Variants in INPP4B observed in about 807,000 individuals in gnomAD.
INPP4B encodes the protein inositol polyphosphate-4-phosphatase type II B, also known as inositol polyphosphate 4-phosphatase type II.
INPP4B carries 55 observed loss-of-function variants against 122.5 expected under a neutral mutation model. The observed-to-expected ratio is 0.45, with a 90% CI of 0.36 to 0.56. The LOEUF (loss-of-function observed/expected upper bound fraction) is 0.56. Ranked by LOEUF, INPP4B falls within the 20% of genes least tolerant of loss-of-function variation. INPP4B has a pLI of 0.00. For missense variants in INPP4B, 1,000 were observed against 1,097.7 expected (o/e 0.91, Z 1.26); for synonymous variants, 403 against 388.7 (o/e 1.04, Z -0.43).
chr4:142,496,222 T>C (rs1471585341), intron 2 of INPP4B, among the ~76,000 whole-genome samples: 1 of 152,106 alleles, frequency 6.6e-6, no homozygotes, highest in African/African-American at 2.4e-5. Flanking sequence ...TTGCTCAATA[T>C]TGTTCTTTTT....
chr4:142,061,821 G>A (rs1760774010), intron 25 of INPP4B, among the ~76,000 whole-genome samples: 1 of 122,638 alleles, frequency 8.2e-6, no homozygotes, highest in Non-Finnish European at 1.7e-5. Context: ...AATATAAAAT[G>A]TCATATATAA....
chr4:142,258,665 CA>C (rs1554019843), intron 11 of INPP4B, among the ~76,000 whole-genome samples: 1 of 152,134 alleles, frequency 6.6e-6, no homozygotes, highest in Non-Finnish European at 1.5e-5. Context: ...TACCATCTCA[CA>C]CCAGTTAGAA....
At chr4:142,238,800 T>C (rs1306470412) in intron 11 of INPP4B, among the ~76,000 whole-genome samples, 1 of 152,126 alleles carries the variant, frequency 6.6e-6, no homozygotes, top group Non-Finnish European at 1.5e-5. Context: ...TACTTATTAG[T>C]GAAGCCAGTA....
chr4:142,057,062 T>G (rs1758078094), intron 25 of INPP4B, among the ~76,000 whole-genome samples: 1 of 152,090 alleles, frequency 6.6e-6, no homozygotes. Context: ...CTTTTAAATT[T>G]TAGAGTATGG....
At chr4:142,274,572 T>G (rs528105376) in intron 9 of INPP4B, among the ~76,000 whole-genome samples, 1 of 151,966 alleles carries the variant, frequency 6.6e-6, no homozygotes, top group African/African-American at 2.4e-5. Flanking sequence ...ATATCCAAAT[T>G]AAAAAAGAGC....
chr4:142,465,698 C>A (rs1310777175), intron 2 of INPP4B, among the ~76,000 whole-genome samples: 1 of 152,126 alleles, frequency 6.6e-6, no homozygotes, highest in Non-Finnish European at 1.5e-5. Flanking sequence ...TGATTCCCAG[C>A]ATTGGAGATG....
intron 3 of INPP4B, among the ~76,000 whole-genome samples, chr4:142,445,432 G>A (rs1156300651): frequency 1.3e-5 from 2 of 152,138 alleles, no homozygotes; most frequent in Non-Finnish European, 2.9e-5. Context: ...CCACATCAAT[G>A]TCAGACAAAA....
chr4:142,552,998 G>A (rs1361054375), intron 2 of INPP4B, among the ~76,000 whole-genome samples: 1 of 152,006 alleles, frequency 6.6e-6, no homozygotes, highest in East Asian at 1.9e-4. Context: ...AGACATTTTT[G>A]GTCCTCTAAA....
At chr4:142,556,328 A>G (rs1041715121) in intron 2 of INPP4B, among the ~76,000 whole-genome samples, 1 of 152,216 alleles carries the variant, frequency 6.6e-6, no homozygotes, top group African/African-American at 2.4e-5. Context: ...ACTCCTTGGT[A>G]ACGAAGGTAA....
intron 1 of INPP4B, among the ~76,000 whole-genome samples, chr4:142,784,971 A>G (rs111496764): frequency 1.9e-3 from 292 of 152,250 alleles, no homozygotes; most frequent in Non-Finnish European, 2.3e-3. Flanking sequence ...GCCTACTAAA[A>G]GACAGACTTA....
intron 1 of INPP4B, among the ~76,000 whole-genome samples, chr4:142,802,264 GA>G (rs1441170757): frequency 1.3e-5 from 2 of 152,182 alleles, no homozygotes; most frequent in African/African-American, 4.8e-5. Context: ...CCTTTTGCCA[GA>G]GACTGTTTAG....
intron 16 of INPP4B, among the ~76,000 whole-genome samples, chr4:142,171,892 CCTGCCCAGTGCA>C (rs999081287): frequency 1.3e-5 from 2 of 151,684 alleles, no homozygotes; most frequent in Middle Eastern, 3.2e-3. Context: ...ATGACAAATC[CCTGCCCAGTGCA>C]CAAGAAGAAT....
chr4:142,345,765 T>A, intron 7 of INPP4B, among the ~76,000 whole-genome samples: 1 of 151,994 alleles, frequency 6.6e-6, no homozygotes, highest in South Asian at 2.1e-4. Context: ...TTAACAATGA[T>A]CAAAAGGACC....
chr4:142,302,568 A>C (rs1761884381), intron 9 of INPP4B, among the ~76,000 whole-genome samples: 1 of 152,168 alleles, frequency 6.6e-6, no homozygotes, highest in African/African-American at 2.4e-5. Flanking sequence ...GGAAATTAAT[A>C]ATAGCATCTC....
chr4:142,136,400 G>A (rs926027541), intron 18 of INPP4B, among the ~76,000 whole-genome samples: 3 of 152,212 alleles, frequency 2.0e-5, no homozygotes, highest in Non-Finnish European at 2.9e-5. Flanking sequence ...ATTTCAGGAT[G>A]GCAACTCAGA....
chr4:142,410,806 ATT>A (rs926207186), intron 5 of INPP4B, among the ~76,000 whole-genome samples: 1 of 152,200 alleles, frequency 6.6e-6, no homozygotes, highest in African/African-American at 2.4e-5. Context: ...TTAAATTATT[ATT>A]GACATTAATA....
intron 15 of INPP4B, among the ~76,000 whole-genome samples, chr4:142,182,351 A>G (rs890484558): frequency 6.6e-6 from 1 of 152,052 alleles, no homozygotes; most frequent in Non-Finnish European, 1.5e-5. Flanking sequence ...GATTGAGACC[A>G]ACCTGGCTAA....
intron 16 of INPP4B, among the ~76,000 whole-genome samples, chr4:142,165,525 A>G (rs77714636): frequency 0.099 from 14,976 of 151,830 alleles, 818 homozygotes; most frequent in Middle Eastern, 0.14. Flanking sequence ...CAATACAAAT[A>G]CAAATATAAA....
chr4:142,254,935 T>A (rs1042724317), intron 11 of INPP4B, among the ~76,000 whole-genome samples: 2 of 151,622 alleles, frequency 1.3e-5, no homozygotes, highest in African/African-American at 4.9e-5. Context: ...AAGGAAAAAA[T>A]GTTAAGGGCA....
Sources: gnomAD v4.1 joint callset for allele counts (sites outside exome capture counted in the v4.1 genomes callset) on GRCh38, gnomAD v4.1.1 for gene constraint, MANE v1.5 for transcripts, NCBI Gene and HGNC (gene_info 2026-07-23, HGNC 2026-07-21) for gene names.